PCCA: variants seen among roughly 807,000 people sequenced by gnomAD.
The protein encoded by PCCA is propionyl-CoA carboxylase subunit alpha.
In PCCA, 74 loss-of-function variants were observed where a neutral mutation model predicts 101.3. The ratio of observed to expected loss-of-function variants is 0.73; its 90% CI spans 0.61 to 0.89. PCCA has a LOEUF of 0.89. Ranked by LOEUF, PCCA falls within the 40% of genes least tolerant of loss-of-function variation. The pLI, the probability that PCCA is intolerant of heterozygous loss-of-function variation, is 0.00. For synonymous variants in PCCA, 294 were observed against 313.6 expected, an observed-to-expected ratio of 0.94 and a Z score of 0.66; for missense variants, 891 against 907.0, an observed-to-expected ratio of 0.98 and a Z score of 0.23.
At chr13:100,145,555 T>C (rs1594351045) in intron 4 of PCCA, among the ~76,000 whole-genome samples, 1 of 152,164 alleles carries the variant, frequency 6.6e-6, no homozygotes, top group East Asian at 1.9e-4. Context: ...GTTAGCTTTA[T>C]TTTGAATAAG....
intron 19 of PCCA, among the ~76,000 whole-genome samples, chr13:100,403,600 C>G (rs760364913): frequency 5.9e-5 from 9 of 152,156 alleles, no homozygotes; most frequent in Non-Finnish European, 1.2e-4. Context: ...GGAATCCACC[C>G]CCATTGTTGC....
intron 21 of PCCA, among the ~76,000 whole-genome samples, chr13:100,498,774 T>G (rs1189094563): frequency 6.6e-6 from 1 of 152,184 alleles, no homozygotes; most frequent in African/African-American, 2.4e-5. Context: ...TGTAGGTTTA[T>G]TCCACTACCA....
chr13:100,096,541 T>C (rs2046792752), intron 1 of PCCA, among the ~76,000 whole-genome samples: 1 of 152,178 alleles, frequency 6.6e-6, no homozygotes, highest in Non-Finnish European at 1.5e-5. Context: ...CATCTCTCAC[T>C]TTGAATCAAA....
chr13:100,129,735 A>G (rs1233663059), intron 4 of PCCA, among the ~76,000 whole-genome samples: 1 of 152,184 alleles, frequency 6.6e-6, no homozygotes, highest in East Asian at 1.9e-4. Flanking sequence ...CTGTAGTTGC[A>G]GACAATACTT....
chr13:100,329,840 G>T (rs1207648606), intron 16 of PCCA, among the ~76,000 whole-genome samples: 1 of 152,132 alleles, frequency 6.6e-6, no homozygotes, highest in East Asian at 1.9e-4. Context: ...TCCACTACAG[G>T]TTTCTGAATC....
At chr13:100,239,125 A>T (rs923614300) in intron 8 of PCCA, among the ~76,000 whole-genome samples, 3 of 152,218 alleles carry the variant, frequency 2.0e-5, no homozygotes, top group Non-Finnish European at 4.4e-5. Context: ...TGGTAACTCC[A>T]GTTTATGGAG....
intron 21 of PCCA, among the ~76,000 whole-genome samples, chr13:100,451,318 A>G (rs902047387): frequency 7.2e-5 from 11 of 152,218 alleles, no homozygotes; most frequent in African/African-American, 2.2e-4. Context: ...TCACAGAAGT[A>G]TATATCCTAT....
chr13:100,148,628 A>G (rs1016279271), intron 4 of PCCA, among the ~76,000 whole-genome samples: 6 of 152,082 alleles, frequency 3.9e-5, no homozygotes, highest in African/African-American at 1.4e-4. Context: ...GCTGGTTTTC[A>G]TTATTTTGTT....
chr13:100,307,074 A>G, intron 14 of PCCA, 118 bp from the exon 15 acceptor site: 1 of 721,680 alleles, frequency 1.4e-6, no homozygotes, highest in Non-Finnish European at 2.4e-6. Context: ...CCAGAAGTTG[A>G]AATGTTATTT....
At chr13:100,379,794 C>T (rs1055012769) in intron 19 of PCCA, among the ~76,000 whole-genome samples, 6 of 152,244 alleles carry the variant, frequency 3.9e-5, no homozygotes, top group Admixed American at 2.6e-4. Flanking sequence ...GACCCACCCC[C>T]GTGATTCAAT....
intron 12 of PCCA, among the ~76,000 whole-genome samples, chr13:100,291,310 A>G (rs1404503952): frequency 6.6e-6 from 1 of 152,210 alleles, no homozygotes; most frequent in Non-Finnish European, 1.5e-5. Context: ...GATGATATGC[A>G]TAGGTTACAT....
chr13:100,196,631 G>C (rs1208274002), intron 6 of PCCA, among the ~76,000 whole-genome samples: 1 of 152,100 alleles, frequency 6.6e-6, no homozygotes, highest in Admixed American at 6.5e-5. Flanking sequence ...GAAAGACACA[G>C]GTTCCTTTGG....
In PCCA at chr13:100,232,115, T is replaced by G. The variant is rs370205009; in HGVS notation, c.601-3727T>G. ...TATAGAACCAAGGCATCTTGGACTG[T>G]GTACCAAATCCCATAAGATCTGGCC... On this transcript the variant is annotated intron_variant, in intron 7 of 23. Coordinates refer to ENST00000376285, the MANE Select transcript of PCCA (RefSeq NM_000282.4). Among the ~76,000 whole-genome samples, 5 of 152,336 alleles carry G rather than the reference T, an allele frequency of 3.3e-5. No homozygotes were observed. In the South Asian group the frequency reaches 1.0e-3, roughly 32 times the overall value.
intron 8 of PCCA, 86 bp downstream of exon 8, chr13:100,235,964 A>G (rs2152522371): frequency 1.2e-6 from 1 of 846,204 alleles, no homozygotes; most frequent in Non-Finnish European, 2.1e-6. Flanking sequence ...ATTCCCATAG[A>G]GCAAATAATA....
rs939839242 is a variant in PCCA, at chr13:100,458,165, C to T, written c.1899+8860C>T. The stretch of plus-strand genomic sequence containing the variant: ...CAAGCATAAGGTCTTTTTCCTGTTA[C>T]GCTGTTTGAACTTTGTTTAAAAATT... On this transcript the variant is annotated intron_variant, in intron 21 of 23. Coordinates refer to ENST00000376285, the MANE Select transcript of PCCA (RefSeq NM_000282.4). Among the ~76,000 whole-genome samples, 10 of 151,974 alleles carry T rather than the reference C, an allele frequency of 6.6e-5. 1 individual carries two copies. Among genetic ancestry groups the T allele is most frequent in the Admixed American group, 2.0e-4 (3 of 15,226 alleles).
intron 8 of PCCA, among the ~76,000 whole-genome samples, chr13:100,243,021 A>G (rs1288332153): frequency 1.3e-5 from 2 of 152,098 alleles, no homozygotes; most frequent in Non-Finnish European, 2.9e-5. Context: ...CTTAGCCCCC[A>G]CTTAGCTGGG....
intron 12 of PCCA, among the ~76,000 whole-genome samples, chr13:100,291,715 G>T (rs1287752523): frequency 6.6e-6 from 1 of 152,224 alleles, no homozygotes; most frequent in Non-Finnish European, 1.5e-5. Context: ...GCCTGGAAGA[G>T]CATATGTCTC....
At chr13:100,514,540 A>C (rs893003101) in intron 21 of PCCA, among the ~76,000 whole-genome samples, 2 of 152,106 alleles carry the variant, frequency 1.3e-5, no homozygotes, top group Non-Finnish European at 2.9e-5. Flanking sequence ...TCACCAAGAG[A>C]CACTTCCTCA....
intron 20 of PCCA, among the ~76,000 whole-genome samples, chr13:100,437,799 G>A (rs568129143): frequency 9.1e-4 from 138 of 152,150 alleles, no homozygotes; most frequent in Non-Finnish European, 1.6e-3. Context: ...CTCCCAAGTA[G>A]CTGGGACTAC....
Sources: allele counts gnomAD v4.1 joint callset (sites outside exome capture counted in the v4.1 genomes callset), GRCh38; gene constraint gnomAD v4.1.1; transcripts MANE v1.5; gene names NCBI Gene and HGNC (gene_info 2026-07-23, HGNC 2026-07-21).